ATP2C2: variants seen among roughly 807,000 people sequenced by gnomAD.
ATP2C2 encodes the protein ATPase secretory pathway Ca2+ transporting 2.
Under a neutral mutation model 110.8 loss-of-function variants are expected in ATP2C2, and 171 were observed. The ratio of observed to expected loss-of-function variants is 1.54; its 90% CI spans 1.36 to 1.75. The LOEUF (loss-of-function observed/expected upper bound fraction) is 1.75, where lower values mean the gene tolerates loss of function less well. ATP2C2 is among the 40% of genes most tolerant of loss of function. ATP2C2 has a pLI of 0.00. For missense variants in ATP2C2, 1,963 were observed against 1,235.0 expected, an observed-to-expected ratio of 1.59 and a Z score of -8.84; for synonymous variants, 804 against 508.4, an observed-to-expected ratio of 1.58 and a Z score of -7.82.
Position 84,396,737 on chromosome 16 carries a change from A to C in ATP2C2, c.100-1762A>C, listed in dbSNP as rs748446942. ...AGCAGATCTTGAGAATGGGGGGAAA[A>C]GTCTTGTGCAATCCACATTTTTCTT... On this transcript the variant is annotated intron_variant, in intron 1 of 26. Coordinates refer to ENST00000262429, the MANE Select transcript of ATP2C2 (RefSeq NM_014861.4). Among the ~76,000 whole-genome samples the C allele has an allele frequency of 4.0e-5, 6 of 151,658 alleles. 1 individual carries two copies. Among genetic ancestry groups the C allele is most frequent in the Admixed American group, 1.3e-4 (2 of 15,244 alleles).
chr16:84,409,613 C>T (rs1335706581), intron 4 of ATP2C2, among the ~76,000 whole-genome samples: 1 of 152,146 alleles, frequency 6.6e-6, no homozygotes, highest in South Asian at 2.1e-4. Context: ...CTGCCTCAGC[C>T]TTCTGAGCAG....
rs1177833819 is a variant in ATP2C2 at position 84,371,144 on chromosome 16, G to C, written c.99+2430G>C. On this transcript the variant is annotated intron_variant, in intron 1 of 26. Coordinates refer to ENST00000262429, the MANE Select transcript of ATP2C2 (RefSeq NM_014861.4). ...AGAGTAGAGGACCAGACAGAGGACT[G>C]GTGGTTGAGAGGGGAACTGGAGACG... Among the ~76,000 whole-genome samples, 4 of 152,334 alleles carry C rather than the reference G, an allele frequency of 2.6e-5. No homozygotes were observed. The South Asian group carries it at 8.3e-4, about 32-fold the overall frequency.
chr16:84,443,952 A>T (rs1909505329), intron 15 of ATP2C2, among the ~76,000 whole-genome samples: 1 of 152,176 alleles, frequency 6.6e-6, no homozygotes, highest in African/African-American at 2.4e-5. Flanking sequence ...GGATCATTTG[A>T]GGCCAAGAGT....
intron 7 of ATP2C2, among the ~76,000 whole-genome samples, chr16:84,421,440 C>T (rs546872437): frequency 9.2e-5 from 14 of 152,088 alleles, no homozygotes; most frequent in Non-Finnish European, 1.8e-4. Flanking sequence ...ATAGAGAAGT[C>T]GCAGGTCCCT....
chr16:84,454,741 G>A, intron 20 of ATP2C2, 77 bp from the exon 21 acceptor site: 1 of 1,419,048 alleles, frequency 7.0e-7, no homozygotes, highest in Non-Finnish European at 9.4e-7. Flanking sequence ...GTCTGTGGCT[G>A]GCCACAGGGT....
chr16:84,429,428 C>T (rs1308906388), intron 11 of ATP2C2, among the ~76,000 whole-genome samples: 6 of 152,236 alleles, frequency 3.9e-5, no homozygotes, highest in African/African-American at 1.4e-4. Flanking sequence ...GCTGGGATTA[C>T]AGGTGTGAGC....
intron 1 of ATP2C2, among the ~76,000 whole-genome samples, chr16:84,395,278 C>G (rs1253273385): frequency 1.3e-5 from 2 of 152,004 alleles, no homozygotes; most frequent in Admixed American, 6.5e-5. Flanking sequence ...CCAACCCCCT[C>G]TCCCCTCCAG....
intron 3 of ATP2C2, among the ~76,000 whole-genome samples, chr16:84,405,616 G>T (rs1443289988): frequency 6.6e-6 from 1 of 152,168 alleles, no homozygotes; most frequent in African/African-American, 2.4e-5. Context: ...AATATAGGAT[G>T]CCCTGTTAAA....
intron 1 of ATP2C2, among the ~76,000 whole-genome samples, chr16:84,371,719 C>A (rs1909965119): frequency 6.6e-6 from 1 of 152,216 alleles, no homozygotes; most frequent in Non-Finnish European, 1.5e-5. Flanking sequence ...CAGCCCACTG[C>A]CTTCCTGGCT....
intron 7 of ATP2C2, among the ~76,000 whole-genome samples, chr16:84,416,932 G>T (rs143359168): frequency 0.032 from 880 of 27,652 alleles, 2 homozygotes; most frequent in Non-Finnish European, 0.064. Context: ...GGTCCTAACA[G>T]GGGATGCTCC....
intron 11 of ATP2C2, among the ~76,000 whole-genome samples, chr16:84,429,318 A>AT (rs1235638729): frequency 6.6e-5 from 10 of 151,958 alleles, no homozygotes; most frequent in Admixed American, 1.3e-4. Flanking sequence ...CACCCAGCTA[A>AT]TTTTTTAAAT....
chr16:84,441,110 C>A (rs976524048), intron 14 of ATP2C2, 152 bp downstream of exon 14: 7 of 694,108 alleles, frequency 1.0e-5, no homozygotes, highest in African/African-American at 5.4e-5. Flanking sequence ...GAAAAAATGG[C>A]CTCAAAAGTG....
At chr16:84,415,662 T>C (rs1019137649) in intron 7 of ATP2C2, 71 bp downstream of exon 7, 6 of 1,242,796 alleles carry the variant, frequency 4.8e-6, no homozygotes, top group Non-Finnish European at 6.9e-6. Flanking sequence ...CTTAGCTAAT[T>C]GTAGGCATGT....
chr16:84,381,075 G>C (rs113530354), intron 1 of ATP2C2, among the ~76,000 whole-genome samples: 2,965 of 152,270 alleles, frequency 0.019, 44 homozygotes, highest in African/African-American at 0.031. Flanking sequence ...ATTTCACCTG[G>C]GTGCAGGCGG....
intron 1 of ATP2C2, among the ~76,000 whole-genome samples, chr16:84,386,669 G>A (rs1232275560): frequency 6.6e-6 from 1 of 152,180 alleles, no homozygotes; most frequent in Non-Finnish European, 1.5e-5. Context: ...GACTTCAGGG[G>A]CTGGAAAACA....
intron 7 of ATP2C2, 69 bp downstream of exon 7, chr16:84,415,660 A>G (rs1172223041): frequency 7.8e-7 from 1 of 1,275,618 alleles, no homozygotes. Context: ...CACTTAGCTA[A>G]TTGTAGGCAT....
intron 3 of ATP2C2, chr16:84,406,661 G>A: frequency 2.0e-6 from 2 of 984,870 alleles, no homozygotes; most frequent in Non-Finnish European, 2.4e-6. Flanking sequence ...TATGTAGGTG[G>A]TTCTGGCTAG....
intron 1 of ATP2C2, among the ~76,000 whole-genome samples, chr16:84,393,041 G>A (rs2151410781): frequency 6.6e-6 from 1 of 152,276 alleles, no homozygotes; most frequent in Non-Finnish European, 1.5e-5. Flanking sequence ...GCTTCAAGGT[G>A]GGCCATTCTG....
intron 14 of ATP2C2, 93 bp downstream of exon 14, chr16:84,441,051 G>C: frequency 9.0e-7 from 1 of 1,116,376 alleles, no homozygotes; most frequent in Non-Finnish European, 1.3e-6. Flanking sequence ...TGAACCTACT[G>C]GTTCTTGACA....
Sources: gnomAD v4.1 joint callset for allele counts (sites outside exome capture counted in the v4.1 genomes callset) on GRCh38, gnomAD v4.1.1 for gene constraint, MANE v1.5 for transcripts, NCBI Gene and HGNC (gene_info 2026-07-23, HGNC 2026-07-21) for gene names.